The following TENM1 variants were observed in gnomAD, a reference collection of about 807,000 sequenced individuals.
The protein encoded by TENM1 is teneurin transmembrane protein 1, also known as teneurin-1.
In TENM1, 35 loss-of-function variants were observed where a neutral mutation model predicts 174.8. The ratio of observed to expected loss-of-function variants is 0.20; its 90% CI spans 0.15 to 0.27. TENM1 has a LOEUF of 0.27. Ranked by LOEUF, TENM1 falls within the 10% of genes least tolerant of loss-of-function variation. The pLI, the probability that TENM1 is intolerant of heterozygous loss-of-function variation, is 1.00. For missense variants in TENM1, 1,633 were observed against 2,130.1 expected (o/e 0.77, Z 4.59); for synonymous variants, 781 against 798.7 (o/e 0.98, Z 0.37).
At chrX:125,063,999 T>C in the TENM1 span, among the ~76,000 whole-genome samples, 1 of 111,338 alleles carries the variant, frequency 9.0e-6, no homozygotes, top group African/African-American at 3.3e-5. Context: ...GATGAGTTCA[T>C]GTCCTTTGTA....
intron 11 of TENM1, among the ~76,000 whole-genome samples, chrX:124,634,406 C>T (rs2050829793): frequency 9.0e-6 from 1 of 111,395 alleles, no homozygotes; most frequent in Non-Finnish European, 1.9e-5. Context: ...TACCTGCAAT[C>T]GTAGGTTCCT....
chrX:124,642,327 G>T (rs1042319645), intron 10 of TENM1, among the ~76,000 whole-genome samples: 1 of 111,893 alleles, frequency 8.9e-6, no homozygotes, highest in Non-Finnish European at 1.9e-5. Context: ...GCTCAGCTTC[G>T]CAAAAAAGCC....
At chrX:124,738,216 C>T (rs1447119468) in intron 3 of TENM1, among the ~76,000 whole-genome samples, 1 of 111,602 alleles carries the variant, frequency 9.0e-6, no homozygotes, top group Non-Finnish European at 1.9e-5. Flanking sequence ...TGGCCTTGTC[C>T]CACCTCCCAA....
chrX:125,000,092 C>T, the TENM1 span, among the ~76,000 whole-genome samples: 4 of 111,763 alleles, frequency 3.6e-5, no homozygotes, highest in Admixed American at 9.5e-5. Flanking sequence ...TTACACTACT[C>T]TACTGCAAAT....
chrX:124,879,442 A>C (rs1044112820), intron 3 of TENM1, among the ~76,000 whole-genome samples: 2 of 112,167 alleles, frequency 1.8e-5, no homozygotes, highest in Non-Finnish European at 3.8e-5. Flanking sequence ...GCTGCAGATG[A>C]CAGGATTTTA....
rs576454305 is a variant in TENM1 at position 124,877,751 on chromosome X, C to T, written c.535+16545G>A. ...GGGGTTAGAGATGCCGACTACCACA[C>T]AGTCAGAAATCCATGCATAATTTTT... On this transcript the variant is annotated intron_variant, in intron 3 of 31. Transcript: ENST00000422452. Among the ~76,000 whole-genome samples, 22 of 111,410 alleles carry T rather than the reference C, an allele frequency of 2.0e-4. No individual in the cohort carries two copies. In the South Asian group the frequency reaches 7.7e-3, roughly 39 times the overall value.
At chrX:124,626,141 A>C (rs765946719) in intron 11 of TENM1, among the ~76,000 whole-genome samples, 48 of 111,293 alleles carry the variant, frequency 4.3e-4, no homozygotes, top group African/African-American at 1.4e-3. Context: ...CTCTATAGCC[A>C]GAGGATTTCC....
rs900690306 is a variant in TENM1, at chrX:124,480,477, C to G, written c.3949+1255G>C. Among the ~76,000 whole-genome samples, 3 of 112,076 alleles carry G rather than the reference C, an allele frequency of 2.7e-5. No homozygotes were observed. The East Asian group carries it at 8.4e-4, about 31-fold the overall frequency. On this transcript the variant is annotated intron_variant, in intron 22 of 31. Coordinates refer to ENST00000422452, the Ensembl canonical transcript of TENM1. ...TAATAAATTAAACACATTGACCTCA[C>G]TACATTTATTGGCATGGAAAGATGT...
chrX:124,752,248 G>A (rs1603127684), intron 3 of TENM1, among the ~76,000 whole-genome samples: 3 of 102,530 alleles, frequency 2.9e-5, no homozygotes, highest in Admixed American at 2.0e-4. Context: ...GCCAGTGATG[G>A]TGAGCATTTT....
intron 3 of TENM1, among the ~76,000 whole-genome samples, chrX:124,745,336 T>C (rs1318880065): frequency 1.8e-5 from 2 of 111,288 alleles, no homozygotes; most frequent in East Asian, 5.7e-4. Context: ...TGGGAAGAGA[T>C]GTCACTATTA....
At chrX:124,754,744 T>C (rs1055088497) in intron 3 of TENM1, among the ~76,000 whole-genome samples, 6 of 106,583 alleles carry the variant, frequency 5.6e-5, no homozygotes, top group African/African-American at 2.1e-4. Flanking sequence ...TTTCGTTATG[T>C]ACCCAGTAGT....
chrX:124,581,135 G>T (rs2049297433), intron 11 of TENM1, among the ~76,000 whole-genome samples: 1 of 96,136 alleles, frequency 1.0e-5, no homozygotes, highest in Non-Finnish European at 2.0e-5. Context: ...CACAATCTCA[G>T]CTCACTGCAA....
intron 23 of TENM1, among the ~76,000 whole-genome samples, chrX:124,446,898 C>T (rs995318135): frequency 2.7e-5 from 3 of 112,147 alleles, no homozygotes; most frequent in Non-Finnish European, 5.6e-5. Context: ...TATGATGCTG[C>T]CATGTAGTGT....
chrX:124,959,762 T>C (rs2058627707), intron 1 of TENM1, among the ~76,000 whole-genome samples: 1 of 112,021 alleles, frequency 8.9e-6, no homozygotes, highest in African/African-American at 3.2e-5. Flanking sequence ...TTCTCTCAGT[T>C]TCCCAAACTT....
chrX:125,128,874 G>C, the TENM1 span, among the ~76,000 whole-genome samples: 2 of 111,664 alleles, frequency 1.8e-5, no homozygotes, highest in Non-Finnish European at 3.8e-5. Flanking sequence ...GTTGGTGTTG[G>C]TTATGGACTG....
intron 3 of TENM1, among the ~76,000 whole-genome samples, chrX:124,878,724 T>C (rs2036770864): frequency 9.0e-6 from 1 of 111,380 alleles, no homozygotes; most frequent in African/African-American, 3.3e-5. Context: ...CAGCCTCAGG[T>C]ATCTTTATAG....
chrX:124,761,920 G>T (rs961655645), intron 3 of TENM1, among the ~76,000 whole-genome samples: 1 of 111,734 alleles, frequency 8.9e-6, no homozygotes, highest in Non-Finnish European at 1.9e-5. Context: ...AAAACAGTTT[G>T]TTAGCCATTT....
chrX:125,043,252 T>G, the TENM1 span, among the ~76,000 whole-genome samples: 46 of 78,179 alleles, frequency 5.9e-4, no homozygotes, highest in African/African-American at 2.0e-3. Context: ...AGAAAATTTT[T>G]GCAACCTACT....
chrX:125,195,333 C>T, the TENM1 span, among the ~76,000 whole-genome samples: 19 of 111,954 alleles, frequency 1.7e-4, no homozygotes, highest in East Asian at 5.3e-3. Context: ...TGTTCTCTCA[C>T]TATGTCTACT....
Sources: gnomAD v4.1 joint callset for allele counts (sites outside exome capture counted in the v4.1 genomes callset) on GRCh38, gnomAD v4.1.1 for gene constraint, MANE v1.5 for transcripts, NCBI Gene and HGNC (gene_info 2026-07-23, HGNC 2026-07-21) for gene names.